Variants in MAPRE2 observed in about 807,000 individuals in gnomAD.
MAPRE2 encodes the protein microtubule associated protein RP/EB family member 2, also known as microtubule-associated protein RP/EB family member 2.
MAPRE2 carries 13 observed loss-of-function variants against 43.2 expected under a neutral mutation model. That is an observed-to-expected ratio of 0.30 (90% CI 0.20 to 0.48). The LOEUF (loss-of-function observed/expected upper bound fraction) is 0.48, where lower values mean the gene tolerates loss of function less well. MAPRE2 is among the 20% of genes least tolerant of loss of function. The pLI, the probability that MAPRE2 is intolerant of heterozygous loss-of-function variation, is 0.99. For missense variants in MAPRE2, 161 were observed against 400.2 expected, an observed-to-expected ratio of 0.40 and a Z score of 5.10; for synonymous variants, 135 against 148.8, an observed-to-expected ratio of 0.91 and a Z score of 0.68.
intron 1 of MAPRE2, among the ~76,000 whole-genome samples, chr18:35,055,955 C>CAA (rs373569809): frequency 1.9e-4 from 18 of 92,662 alleles, no homozygotes; most frequent in Admixed American, 1.2e-3. Flanking sequence ...ACTCTTGTCT[C>CAA]AAAAAAAAAA....
At chr18:35,027,876 A>G (rs780916413) in intron 2 of MAPRE2, among the ~76,000 whole-genome samples, 11 of 152,088 alleles carry the variant, frequency 7.2e-5, no homozygotes, top group Non-Finnish European at 1.6e-4. Flanking sequence ...TCAGTCACAT[A>G]TTTGGAGCCT....
intron 2 of MAPRE2, among the ~76,000 whole-genome samples, chr18:35,033,518 T>C (rs374809568): frequency 5.3e-5 from 8 of 151,592 alleles, no homozygotes; most frequent in Admixed American, 2.0e-4. Flanking sequence ...CCAGGGCAAT[T>C]AGGCAGGAGA....
upstream of MAPRE2, chr18:35,041,406 G>T (rs1300887934): frequency 3.9e-6 from 6 of 1,532,474 alleles, no homozygotes; most frequent in Non-Finnish European, 4.4e-6. Flanking sequence ...GCGCGAGCGA[G>T]AGCTGGGAGA....
intron 1 of MAPRE2, among the ~76,000 whole-genome samples, chr18:35,067,904 G>C (rs1313066365): frequency 6.6e-6 from 1 of 152,084 alleles, no homozygotes; most frequent in East Asian, 1.9e-4. Context: ...AGAAAACAGT[G>C]GAAGTTATTA....
intron 1 of MAPRE2, among the ~76,000 whole-genome samples, chr18:34,982,148 G>T (rs962766251): frequency 3.9e-5 from 6 of 152,068 alleles, no homozygotes; most frequent in African/African-American, 1.2e-4. Flanking sequence ...CTCCCAGAAT[G>T]CTGGGATTAC....
chr18:35,012,234 A>G (rs1430546776), intron 2 of MAPRE2, among the ~76,000 whole-genome samples: 1 of 152,202 alleles, frequency 6.6e-6, no homozygotes, highest in Non-Finnish European at 1.5e-5. Flanking sequence ...ATATAGATAT[A>G]GATATCTTTA....
intron 2 of MAPRE2, among the ~76,000 whole-genome samples, chr18:35,093,204 C>G (rs1207150510): frequency 1.8e-5 from 2 of 111,572 alleles, no homozygotes; most frequent in Non-Finnish European, 3.4e-5. Context: ...AGAGCAAGAC[C>G]CTGTCTCAAA....
chr18:35,043,776 A>G (rs937448108), intron 1 of MAPRE2, among the ~76,000 whole-genome samples: 1 of 152,230 alleles, frequency 6.6e-6, no homozygotes, highest in African/African-American at 2.4e-5. Flanking sequence ...GTCTTGTGTT[A>G]TACAAAGGGT....
chr18:35,087,669 C>T (rs1907940172), intron 2 of MAPRE2, among the ~76,000 whole-genome samples: 1 of 152,174 alleles, frequency 6.6e-6, no homozygotes, highest in Non-Finnish European at 1.5e-5. Context: ...TTGAAACCCA[C>T]TTATGCCAGG....
chr18:35,050,210 G>A (rs967770510), intron 1 of MAPRE2, among the ~76,000 whole-genome samples: 1 of 151,822 alleles, frequency 6.6e-6, no homozygotes, highest in African/African-American at 2.4e-5. Flanking sequence ...GTTTCAATTA[G>A]CCCTTTAATA....
At chr18:35,080,447 C>G (rs992116001) in intron 2 of MAPRE2, among the ~76,000 whole-genome samples, 7 of 152,144 alleles carry the variant, frequency 4.6e-5, no homozygotes, top group Non-Finnish European at 8.8e-5. Flanking sequence ...GAAGCAAAGG[C>G]AGAGAAAGGC....
chr18:35,126,214 C>T (rs148720722), intron 4 of MAPRE2, among the ~76,000 whole-genome samples: 1 of 152,288 alleles, frequency 6.6e-6, no homozygotes, highest in Non-Finnish European at 1.5e-5. Context: ...CAGTGCATTA[C>T]AATAAATGAA....
At chr18:34,998,215 T>A (rs2097027469) in intron 1 of MAPRE2, among the ~76,000 whole-genome samples, 1 of 152,134 alleles carries the variant, frequency 6.6e-6, no homozygotes, top group Non-Finnish European at 1.5e-5. Context: ...TATGTCAGCA[T>A]CCTGGGGTCT....
chr18:35,090,825 C>T (rs996492505), intron 2 of MAPRE2, among the ~76,000 whole-genome samples: 1 of 151,404 alleles, frequency 6.6e-6, no homozygotes, highest in African/African-American at 2.4e-5. Flanking sequence ...TCCCTAAAAA[C>T]TCAATTTTAA....
chr18:35,136,010 A>C (rs1910376036), intron 6 of MAPRE2, among the ~76,000 whole-genome samples: 1 of 151,948 alleles, frequency 6.6e-6, no homozygotes, highest in Admixed American at 6.6e-5. Flanking sequence ...ATTACTTAAC[A>C]CTCTTATTTT....
chr18:35,049,918 C>T (rs946448630), intron 1 of MAPRE2, among the ~76,000 whole-genome samples: 1 of 152,040 alleles, frequency 6.6e-6, no homozygotes, highest in African/African-American at 2.4e-5. Context: ...GCAGGAAGTT[C>T]ATTTCTGCTT....
In MAPRE2 at chr18:35,019,383, G is replaced by A. The variant is rs574885191; in HGVS notation, c.-8+13830G>A. On this transcript the variant is annotated intron_variant, in intron 2 of 7. Coordinates refer to the MAPRE2 transcript ENST00000413393. ...AGTCCAGAATTCCTTTGTCAATTGT[G>A]TATTCTGTGGTTGGTGGAGTATTCT... 3.3e-4 allele frequency among the ~76,000 whole-genome samples: 50 copies of A among 151,896 alleles called. 1 individual carries two copies. The highest frequency in any genetic ancestry group is 3.4e-3 in the Middle Eastern group (1 of 294).
chr18:34,978,280 C>A, intron 1 of MAPRE2: 1 of 584,214 alleles, frequency 1.7e-6, no homozygotes, highest in Non-Finnish European at 3.0e-6. Context: ...ACTAAAAATA[C>A]TATCGTGCTG....
intron 2 of MAPRE2, among the ~76,000 whole-genome samples, chr18:35,076,553 C>A (rs544988683): frequency 2.0e-5 from 3 of 152,160 alleles, no homozygotes; most frequent in Non-Finnish European, 4.4e-5. Context: ...TACTTAGTTT[C>A]ATTTACCCTG....
Sources: gnomAD v4.1 joint callset for allele counts (sites outside exome capture counted in the v4.1 genomes callset) on GRCh38, gnomAD v4.1.1 for gene constraint, MANE v1.5 for transcripts, NCBI Gene and HGNC (gene_info 2026-07-23, HGNC 2026-07-21) for gene names.